Variants in GLB1L3 observed in about 807,000 individuals in gnomAD.
GLB1L3 encodes the protein beta-galactosidase-1-like protein 3.
In GLB1L3, 89 loss-of-function variants were observed where a neutral mutation model predicts 89.5. The ratio of observed to expected loss-of-function variants is 0.99; its 90% CI spans 0.84 to 1.19. The LOEUF is 1.19. Ranked by LOEUF, GLB1L3 falls within the 50% of genes most tolerant of loss-of-function variation. GLB1L3 has a pLI of 0.00. For synonymous variants in GLB1L3, 314 were observed against 312.3 expected, an observed-to-expected ratio of 1.01 and a Z score of -0.06; for missense variants, 812 against 813.3, an observed-to-expected ratio of 1.00 and a Z score of 0.02.
In GLB1L3 at chr11:134,277,723, C is replaced by T. The variant is rs753820620; in HGVS notation, c.173C>T (p.Pro58Leu). Residue 58 changes from proline to leucine, a missense_variant, in exon 3 of 20, where the codon CCT becomes CTT. By Grantham distance (98) the Pro-to-Leu change is moderately conservative. Transcript: ENST00000431683. ...AGGTTTAATTGGTCTCATCTGACCC[C>T]TCTGGAGCTGAAGAATCGATCTGTG... is the stretch of plus-strand genomic sequence containing the variant. ...QPRFNWSHLT[P>L]LELKNRSVGL... is the part of the protein sequence containing the mutation. The T allele has an allele frequency of 6.8e-6, 11 of 1,611,498 alleles. 1 individual carries two copies. In the African/African-American group the frequency reaches 1.1e-4, roughly 16 times the overall value.
chr11:134,306,940 C>G (rs1942231876), intron 9 of GLB1L3, among the ~76,000 whole-genome samples, 184 bp from the exon 10 acceptor site: 1 of 152,196 alleles, frequency 6.6e-6, no homozygotes, highest in Non-Finnish European at 1.5e-5. Flanking sequence ...AGTGGAGGAA[C>G]CAGAGCTGTG....
At chr11:134,323,809 A>G (rs966490529), downstream of GLB1L3, among the ~76,000 whole-genome samples, 6 of 152,084 alleles carry the variant, frequency 3.9e-5, no homozygotes, top group East Asian at 7.7e-4. Context: ...TTTTTGCTGA[A>G]GCTTTTTAAA....
At chr11:134,300,482 T>G (rs544052) in intron 9 of GLB1L3, among the ~76,000 whole-genome samples, 29,763 of 151,744 alleles carry the variant, frequency 0.2, 3,077 homozygotes, top group Middle Eastern at 0.23. Flanking sequence ...ACAGGCGCCC[T>G]CCACCACGCC....
chr11:134,314,113 A>G, intron 17 of GLB1L3, 85 bp downstream of exon 17: 1 of 959,736 alleles, frequency 1.0e-6, no homozygotes, highest in South Asian at 1.4e-5. Context: ...TAAAGAGTCC[A>G]AGATAGAGAC....
chr11:134,299,639 C>T (rs771024808), intron 9 of GLB1L3, among the ~76,000 whole-genome samples: 3 of 152,128 alleles, frequency 2.0e-5, no homozygotes, highest in Non-Finnish European at 4.4e-5. Flanking sequence ...TGCATTGAGT[C>T]CCACAGAGAA....
At chr11:134,283,948 T>C (rs530898546) in intron 6 of GLB1L3, 103 bp downstream of exon 6, 12 of 696,046 alleles carry the variant, frequency 1.7e-5, no homozygotes, top group South Asian at 1.0e-4. Flanking sequence ...CCATGAACAA[T>C]TGAGTTGACT....
At position 134,314,209 on chromosome 11, in the gene GLB1L3, C is replaced by T. The variant is rs1942881683; in HGVS notation, c.1668-121C>T. ...TGTCCTGATTCTGATCTTAACGCAT[C>T]TAGTCTACTCTATCTCATTGAAACA... On this transcript the variant is annotated intron_variant, in intron 17 of 19. Coordinates refer to ENST00000431683, the MANE Select transcript of GLB1L3 (RefSeq NM_001080407.3). The T allele has an allele frequency of 6.7e-6, 5 of 740,788 alleles. No individual in the cohort carries two copies. The Admixed American group carries it at 7.3e-5, about 11-fold the overall frequency. The allele number at this position is 740,788 out of a possible 1,614,324, so 45.9% of individuals were successfully genotyped here.
chr11:134,289,060 C>T (rs1400617652), intron 7 of GLB1L3, 170 bp downstream of exon 7: 5 of 522,862 alleles, frequency 9.6e-6, no homozygotes, highest in East Asian at 6.4e-5. Flanking sequence ...TGAAAATTTG[C>T]GTATAACTTT....
rs750076019 is a variant in GLB1L3 at position 134,318,619 on chromosome 11, C to T, written c.1780-12C>T. On this transcript the variant is annotated splice_polypyrimidine_tract_variant and intron_variant, in intron 18 of 19. Transcript: ENST00000431683. ...AACCAATTTCCAAATCTCAAGCCAC[C>T]ATTCCTTTCAGAACTGGAATTATGG... is the stretch of plus-strand genomic sequence containing the variant. 7.2e-6 allele frequency: 11 copies of T among 1,536,708 alleles called. No homozygotes were observed. The highest frequency in any genetic ancestry group is 9.9e-6 in the Non-Finnish European group (11 of 1,113,082).
chr11:134,318,569 C>T (rs1232061455), intron 18 of GLB1L3, 62 bp from the exon 19 acceptor site: 3 of 965,350 alleles, frequency 3.1e-6, no homozygotes, highest in East Asian at 2.5e-5. Context: ...TCTCCAAGTG[C>T]CTTAGGTTTT....
chr11:134,288,932 T>C, intron 7 of GLB1L3, 42 bp downstream of exon 7: 2 of 1,331,276 alleles, frequency 1.5e-6, no homozygotes, highest in African/African-American at 2.9e-5. Flanking sequence ...CATGCCTCCT[T>C]CCTCCTCTGT....
Position 134,313,413 on chromosome 11 carries a change from G to GATCC in GLB1L3, c.1519_1522dup (p.Leu508HisfsTer18). Reference sequence around the variant, plus strand: ...CCCAGCAGGACTGCCGATACCTGAGGATCCTGGTGGAGAATCAAGGACGAG... The same window carrying GATCC: ...CCCAGCAGGACTGCCGATACCTGAGGATCCATCCTGGTGGAGAATCAAGGACGAG... On this transcript the variant is annotated frameshift_variant, in exon 16 of 20. Coordinates refer to ENST00000431683, the MANE Select transcript of GLB1L3 (RefSeq NM_001080407.3). LOFTEE classifies it high-confidence loss of function. 1 of 1,583,766 alleles carries GATCC rather than the reference G, an allele frequency of 6.3e-7. No homozygotes were observed. The highest frequency in any genetic ancestry group is 1.2e-5 in the South Asian group (1 of 86,236).
intron 13 of GLB1L3, 77 bp downstream of exon 13, chr11:134,311,247 T>C (rs1439644203): frequency 2.9e-6 from 3 of 1,043,594 alleles, no homozygotes; most frequent in Non-Finnish European, 4.5e-6. Flanking sequence ...AAACTTTTTA[T>C]TAGGAAGTGG....
chr11:134,283,394 TAG>T (rs1471141301), intron 5 of GLB1L3, among the ~76,000 whole-genome samples: 1 of 152,108 alleles, frequency 6.6e-6, no homozygotes, highest in East Asian at 1.9e-4. Flanking sequence ...TGAAAAAGAA[TAG>T]AGAGTGTTCA....
At chr11:134,308,608 C>G (rs1424542224) in intron 10 of GLB1L3, among the ~76,000 whole-genome samples, 4 of 148,648 alleles carry the variant, frequency 2.7e-5, no homozygotes, top group African/African-American at 9.9e-5. Context: ...CCTCCACCAC[C>G]ACCACCACTA....
intron 9 of GLB1L3, among the ~76,000 whole-genome samples, chr11:134,295,397 C>T (rs935734343): frequency 3.9e-5 from 6 of 152,104 alleles, no homozygotes; most frequent in African/African-American, 4.8e-5. Context: ...TTTTTGAATT[C>T]GTGGACATAG....
In GLB1L3 at chr11:134,305,014, T is replaced by C. The variant is rs111872207; in HGVS notation, c.877-2110T>C. The C allele has an allele frequency of 3.0e-3, 4,102 of 1,355,366 alleles. 103 individuals are homozygous for C. The African/African-American group carries it at 0.053, about 17-fold the overall frequency. 84.0% of individuals were successfully genotyped at this position (1,355,366 alleles called of 1,614,324 possible). ...CGCATGCGACTGCGCTAACAATGTA[T>C]CTTAGTGGCATAATAACAATGTATC... On this transcript the variant is annotated intron_variant, in intron 9 of 19. Transcript: ENST00000431683.
chr11:134,309,923 A>G (rs2136215693), intron 11 of GLB1L3, 160 bp downstream of exon 11: 1 of 768,774 alleles, frequency 1.3e-6, no homozygotes, highest in Non-Finnish European at 2.0e-6. Context: ...CTGTATGTTC[A>G]TAATGCCCCA....
chr11:134,281,252 C>G (rs1429271899), intron 3 of GLB1L3, 125 bp from the exon 4 acceptor site: 9 of 1,076,138 alleles, frequency 8.4e-6, no homozygotes, highest in African/African-American at 1.6e-5. Context: ...TTAATTTCCA[C>G]TGGTAACTTC....
Sources: allele counts gnomAD v4.1 joint callset (sites outside exome capture counted in the v4.1 genomes callset), GRCh38; gene constraint gnomAD v4.1.1; transcripts MANE v1.5; gene names NCBI Gene and HGNC (gene_info 2026-07-23, HGNC 2026-07-21).